Variants in RNF157 observed in about 807,000 individuals in gnomAD.
RNF157 encodes the protein E3 ubiquitin ligase RNF157.
Under a neutral mutation model 88.3 loss-of-function variants are expected in RNF157, and 55 were observed. The ratio of observed to expected loss-of-function variants is 0.62; its 90% CI spans 0.50 to 0.78. The LOEUF is 0.78. Among genes scored for constraint, RNF157 ranks in the 30% least tolerant of loss-of-function variants. RNF157 has a pLI of 0.00. For synonymous variants in RNF157, 334 were observed against 341.2 expected, an observed-to-expected ratio of 0.98 and a Z score of 0.23; for missense variants, 788 against 860.8, an observed-to-expected ratio of 0.92 and a Z score of 1.06.
intron 2 of RNF157, among the ~76,000 whole-genome samples, chr17:76,210,940 G>GATT (rs2069787208): frequency 6.6e-6 from 1 of 152,114 alleles, no homozygotes; most frequent in African/African-American, 2.4e-5. Context: ...GAGCAGCTGG[G>GATT]ATTATAGGGG....
At position 76,166,332 on chromosome 17, in the gene RNF157, A is replaced by T. The variant is rs1598397942; in HGVS notation, c.628+129T>A. Reference sequence around the variant, plus strand: ...TGGAGTCACAGATGTGAGAGGATGCAGAGACTGCCTGACTCACAGTCACAA... The same window carrying T: ...TGGAGTCACAGATGTGAGAGGATGCTGAGACTGCCTGACTCACAGTCACAA... On this transcript the variant is annotated intron_variant, in intron 6 of 18. Coordinates refer to ENST00000269391, the MANE Select transcript of RNF157 (RefSeq NM_052916.3). The T allele has an allele frequency of 5.2e-6, 4 of 775,764 alleles. No homozygotes were observed. In the East Asian group the frequency reaches 9.9e-5, roughly 19 times the overall value. The allele number at this position is 775,764 out of a possible 1,614,324, so 48.1% of individuals were successfully genotyped here.
chr17:76,176,044 A>G lies in RNF157; in HGVS notation c.208-2254T>C, dbSNP rs1470773301. 6.6e-6 allele frequency among the ~76,000 whole-genome samples: 1 copy of G among 152,210 alleles called. No homozygotes were observed. The highest frequency in any genetic ancestry group is 1.5e-5 in the Non-Finnish European group (1 of 68,050). ...AACAACGGCAAATCTGTTCAGGAGAAGCTTGTTCGTGGGCTGCTACCCACC... is the reference window on the plus strand; with the variant it reads ...AACAACGGCAAATCTGTTCAGGAGAGGCTTGTTCGTGGGCTGCTACCCACC... On this transcript the variant is annotated intron_variant, in intron 2 of 18. Transcript: ENST00000269391. The surrounding 1 kb of genome is among the most constrained non-coding windows in gnomAD (Gnocchi z 4.2).
Position 76,162,674 on chromosome 17 carries a change from A to G in RNF157, c.721-51T>C, listed in dbSNP as rs376370958. ...GGACAGGCTGTCTCTACTGAGAGACAAGAGTGGGAACTCCCTCCAATCTTA... is the reference window on the plus strand; with the variant it reads ...GGACAGGCTGTCTCTACTGAGAGACGAGAGTGGGAACTCCCTCCAATCTTA... On this transcript the variant is annotated intron_variant, in intron 8 of 18. Coordinates refer to ENST00000269391, the MANE Select transcript of RNF157 (RefSeq NM_052916.3). 492 of 1,352,742 alleles carry G rather than the reference A, an allele frequency of 3.6e-4. 3 individuals are homozygous for G. The Middle Eastern group carries it at 8.0e-3, about 22-fold the overall frequency. The allele number at this position is 1,352,742 out of a possible 1,614,324, so 83.8% of individuals were successfully genotyped here.
At chr17:76,227,122 T>G (rs575504225) in intron 1 of RNF157, among the ~76,000 whole-genome samples, 6 of 151,610 alleles carry the variant, frequency 4.0e-5, no homozygotes, top group African/African-American at 9.7e-5. Flanking sequence ...TTTTTGTTTT[T>G]TTTTTTTTTT....
chr17:76,146,590 C>T lies in RNF157; in HGVS notation c.1922-1237G>A, dbSNP rs2068588799. 2 of 985,460 alleles carry T rather than the reference C, an allele frequency of 2.0e-6. No individual in the cohort carries two copies. The highest frequency in any genetic ancestry group is 2.4e-6 in the Non-Finnish European group (2 of 829,942). The allele number at this position is 985,460 out of a possible 1,614,324, so 61.0% of individuals were successfully genotyped here. On this transcript the variant is annotated intron_variant, in intron 18 of 18. Transcript: ENST00000269391. The surrounding 1 kb of genome is among the most constrained non-coding windows in gnomAD (Gnocchi z 4.2). The stretch of plus-strand genomic sequence containing the variant: ...CTCCCCAGCCGTGTCTCCCAGTGGC[C>T]TCCCCTCACGAGGCATCTCTGGCCG...
chr17:76,147,086 C>G, intron 18 of RNF157: 1 of 985,280 alleles, frequency 1.0e-6, no homozygotes, highest in Non-Finnish European at 1.2e-6. Context: ...ATCTTTACTC[C>G]CTGGGGGTGG....
intron 2 of RNF157, chr17:76,175,845 G>GA (rs55808760): frequency 4.1e-4 from 378 of 931,080 alleles, no homozygotes; most frequent in East Asian, 7.0e-4. Flanking sequence ...TAAAAAGAAA[G>GA]AAAAAAAAAT....
At chr17:76,147,436 G>GGT in intron 18 of RNF157, 2 of 644,024 alleles carry the variant, frequency 3.1e-6, no homozygotes, top group Non-Finnish European at 3.9e-6. Context: ...ATGGAATGCT[G>GGT]GGCCGGAGAG....
At chr17:76,179,656 G>A (rs769480661) in intron 2 of RNF157, among the ~76,000 whole-genome samples, 2 of 151,886 alleles carry the variant, frequency 1.3e-5, no homozygotes, top group Non-Finnish European at 2.9e-5. Flanking sequence ...TCATGCCACT[G>A]CACTCCAGCC....
intron 3 of RNF157, among the ~76,000 whole-genome samples, chr17:76,169,203 T>C (rs1484678252): frequency 6.6e-6 from 1 of 152,200 alleles, no homozygotes; most frequent in Non-Finnish European, 1.5e-5. Context: ...TTTCCTTCTC[T>C]CTGGATTTTT....
intron 2 of RNF157, among the ~76,000 whole-genome samples, chr17:76,185,398 T>C (rs2069264084): frequency 2.0e-5 from 3 of 152,250 alleles, no homozygotes; most frequent in Admixed American, 6.5e-5. Context: ...AGCGTGCTCT[T>C]AATAAAGCAG....
At chr17:76,162,856 T>C (rs957353364) in intron 8 of RNF157, 1 of 398,586 alleles carries the variant, frequency 2.5e-6, no homozygotes. Context: ...ACAGGGAACA[T>C]AAAATTTCAC....
At chr17:76,216,595 T>A (rs373345194) in intron 1 of RNF157, among the ~76,000 whole-genome samples, 2 of 150,738 alleles carry the variant, frequency 1.3e-5, no homozygotes, top group Non-Finnish European at 3.0e-5. Flanking sequence ...TATTTAAAAA[T>A]AATAATAATA....
intron 3 of RNF157, among the ~76,000 whole-genome samples, chr17:76,172,904 C>T (rs972838244): frequency 6.6e-6 from 1 of 151,862 alleles, no homozygotes; most frequent in Non-Finnish European, 1.5e-5. Context: ...AGGCAAATGA[C>T]GATAATTAAC....
Position 76,167,018 on chromosome 17 carries a change from G to A in RNF157, c.552C>T (p.Ala184=), listed in dbSNP as rs532844525. The part of the protein sequence containing the change: ...PSHTVDPSEW[A]EEELGFDLDR... ...CCCAGAGGCAGCTCACCTCCTCTTC[G>A]GCCCACTCGGAGGGATCCACGGTGT... is the stretch of plus-strand genomic sequence containing the variant. The change falls in exon 5 of 19, where the codon GCC becomes GCT. Residue 184 remains alanine (A), a synonymous_variant. Transcript: ENST00000269391. The A allele has an allele frequency of 5.6e-6, 9 of 1,606,566 alleles. No homozygotes were observed. The East Asian group carries it at 1.3e-4, about 24-fold the overall frequency.
At position 76,166,948 on chromosome 17, in the gene RNF157, C is replaced by T. The variant is rs550268412; in HGVS notation, c.561+61G>A. 17 of 1,165,774 alleles carry T rather than the reference C, an allele frequency of 1.5e-5. No homozygotes were observed. In the African/African-American group the frequency reaches 2.3e-4, roughly 16 times the overall value. The allele number at this position is 1,165,774 out of a possible 1,614,324, so 72.2% of individuals were successfully genotyped here. On this transcript the variant is annotated intron_variant, in intron 5 of 18. Transcript: ENST00000269391. ...CAGCCCCTTTGCTGTCAGACCGAGTCCTAAGTAGCCCCTAGGCCCTTCTGA... is the reference window on the plus strand; with the variant it reads ...CAGCCCCTTTGCTGTCAGACCGAGTTCTAAGTAGCCCCTAGGCCCTTCTGA...
intron 2 of RNF157, among the ~76,000 whole-genome samples, chr17:76,184,189 TAAAAAA>T (rs542969861): frequency 9.0e-6 from 1 of 110,816 alleles, no homozygotes; most frequent in African/African-American, 3.3e-5. Context: ...AGACTCCATC[TAAAAAA>T]AAAAAAAAAA....
intron 13 of RNF157, chr17:76,156,652 T>C (rs1427053078): frequency 4.5e-6 from 2 of 440,032 alleles, no homozygotes; most frequent in Admixed American, 1.3e-4. Flanking sequence ...CCCAGGATTA[T>C]GATCAGCTTT....
At chr17:76,189,523 A>G (rs1297708935) in intron 2 of RNF157, among the ~76,000 whole-genome samples, 2 of 152,178 alleles carry the variant, frequency 1.3e-5, no homozygotes, top group Admixed American at 6.5e-5. Flanking sequence ...AAGTTGTGAG[A>G]GTAGAAGTTG....
Sources: allele counts gnomAD v4.1 joint callset (sites outside exome capture counted in the v4.1 genomes callset), GRCh38; gene constraint gnomAD v4.1.1; non-coding constraint Gnocchi (gnomAD v3.1); transcripts MANE v1.5; gene names NCBI Gene and HGNC (gene_info 2026-07-23, HGNC 2026-07-21).